Variants in PLEKHB2 observed in about 807,000 individuals in gnomAD.
PLEKHB2 encodes the protein pleckstrin homology domain-containing family B member 2.
Under a neutral mutation model 36.5 loss-of-function variants are expected in PLEKHB2, and 31 were observed. That is an observed-to-expected ratio of 0.85 (90% CI 0.64 to 1.15). The LOEUF is 1.15. PLEKHB2 is among the 50% of genes most tolerant of loss of function. PLEKHB2 has a pLI of 0.00. For synonymous variants in PLEKHB2, 119 were observed against 112.0 expected (o/e 1.06, Z -0.39); for missense variants, 262 against 295.3 (o/e 0.89, Z 0.83).
chr2:131,129,040 T>C (rs1273799329), intron 4 of PLEKHB2, among the ~76,000 whole-genome samples: 2 of 152,216 alleles, frequency 1.3e-5, no homozygotes, highest in Non-Finnish European at 2.9e-5. Context: ...GCTAGAACAC[T>C]TGGGCTGGGT....
At chr2:131,126,527 C>T (rs963641985) in intron 3 of PLEKHB2, among the ~76,000 whole-genome samples, 157 bp from the exon 4 acceptor site, 6 of 152,126 alleles carry the variant, frequency 3.9e-5, no homozygotes, top group South Asian at 2.1e-4. Context: ...GTCAGCCTAG[C>T]TATGTTCTTT....
rs181964864 is a variant in PLEKHB2, at chr2:131,109,461, G to A, written c.-9+4063G>A. On this transcript the variant is annotated intron_variant, in intron 1 of 7. Coordinates refer to ENST00000693505, the MANE Select transcript of PLEKHB2 (RefSeq NM_001100623.2). ...GGCCAGCACTTTTGGAGGCTGAGGC[G>A]GGTGGATCCCCTGAGGTCAGGAGTT... Among the ~76,000 whole-genome samples the A allele has an allele frequency of 1.8e-3, 277 of 152,180 alleles. 1 individual carries two copies. Among genetic ancestry groups the A allele is most frequent in the African/African-American group, 6.3e-3 (263 of 41,518 alleles).
rs771487921 is a variant in PLEKHB2, at chr2:131,125,888, C to A, written c.173C>A (p.Thr58Lys). 1 of 1,613,026 alleles carries A rather than the reference C, an allele frequency of 6.2e-7. No homozygotes were observed. The highest frequency in any genetic ancestry group is 1.3e-5 in the African/African-American group (1 of 74,868). The change falls in exon 3 of 8, where the codon ACG becomes AAG. Residue 58 changes from threonine (T) to lysine (K), a missense_variant. Thr to Lys is a moderately conservative substitution (Grantham distance 78). Coordinates refer to ENST00000693505, the MANE Select transcript of PLEKHB2 (RefSeq NM_001100623.2). ...HMPMDCINIR[T>K]GQECRDTQPP... ...CCAATGGACTGCATCAACATCCGCA[C>A]GGGGCAGGAATGTCGGGGTAAGCTG...
chr2:131,119,630 T>C (rs1255836407), intron 1 of PLEKHB2, among the ~76,000 whole-genome samples: 1 of 152,246 alleles, frequency 6.6e-6, no homozygotes, highest in East Asian at 1.9e-4. Flanking sequence ...GGGCAAAGTA[T>C]ATGAACTATT....
At chr2:131,105,588 G>T (rs1315847144) in intron 1 of PLEKHB2, among the ~76,000 whole-genome samples, 190 bp downstream of exon 1, 6 of 151,740 alleles carry the variant, frequency 4.0e-5, no homozygotes, top group Non-Finnish European at 7.4e-5. Flanking sequence ...CACCTCCCTG[G>T]ACCACCCTGA....
chr2:131,110,078 G>T (rs1194364115), intron 1 of PLEKHB2, among the ~76,000 whole-genome samples: 1 of 151,512 alleles, frequency 6.6e-6, no homozygotes, highest in African/African-American at 2.4e-5. Flanking sequence ...TCGCGCCACT[G>T]CCCTCCAGCC....
chr2:131,126,628 G>C, intron 3 of PLEKHB2, 56 bp from the exon 4 acceptor site: 3 of 1,010,860 alleles, frequency 3.0e-6, no homozygotes, highest in Non-Finnish European at 3.2e-6. Flanking sequence ...GTAGTTCTTA[G>C]AAAATGTAAG....
At chr2:131,118,223 G>T (rs1156836203) in intron 1 of PLEKHB2, among the ~76,000 whole-genome samples, 1 of 152,188 alleles carries the variant, frequency 6.6e-6, no homozygotes, top group East Asian at 1.9e-4. Context: ...TAGAGACAGG[G>T]AGACTGGCTT....
intron 1 of PLEKHB2, among the ~76,000 whole-genome samples, chr2:131,109,506 G>A (rs1205124158): frequency 2.6e-5 from 4 of 151,992 alleles, no homozygotes; most frequent in African/African-American, 9.7e-5. Flanking sequence ...CCTGACCAAC[G>A]TGGTAAAATC....
intron 2 of PLEKHB2, among the ~76,000 whole-genome samples, chr2:131,121,536 C>T (rs1046981780): frequency 1.3e-5 from 2 of 152,166 alleles, no homozygotes; most frequent in African/African-American, 2.4e-5. Flanking sequence ...CGTGAGCCAC[C>T]GTGCCCAGCT....
chr2:131,112,297 G>A (rs993595296), intron 1 of PLEKHB2, among the ~76,000 whole-genome samples: 4 of 152,206 alleles, frequency 2.6e-5, no homozygotes, highest in Admixed American at 1.3e-4. Context: ...AGGGTGGTGT[G>A]CCTGGAGAGG....
chr2:131,127,094 G>A (rs1697177660), intron 4 of PLEKHB2: 1 of 261,968 alleles, frequency 3.8e-6, no homozygotes, highest in Admixed American at 5.1e-5. Flanking sequence ...AGAAAAGCAA[G>A]AAAGTAAAGA....
intron 7 of PLEKHB2, among the ~76,000 whole-genome samples, chr2:131,143,775 C>T (rs1699016068): frequency 6.6e-6 from 1 of 152,198 alleles, no homozygotes; most frequent in Admixed American, 6.5e-5. Context: ...CTAGCCTTGC[C>T]ACATGAGAGC....
At chr2:131,134,477 C>T (rs188018904) in intron 6 of PLEKHB2, among the ~76,000 whole-genome samples, 2 of 152,262 alleles carry the variant, frequency 1.3e-5, no homozygotes, top group Admixed American at 1.3e-4. Flanking sequence ...TATAATTATT[C>T]TGTATTAATT....
rs754827488 is a variant in PLEKHB2 at position 131,125,844 on chromosome 2, C to G, written c.129C>G (p.Ile43Met). The stretch of plus-strand genomic sequence containing the variant: ...ATGATGACCAGACTCGGCAGAATAT[C>G]GAGGATAAGGTCCACATGCCAATGG... ...IYYDDQTRQN[I>M]EDKVHMPMDC... Residue 43 changes from isoleucine (I) to methionine (M), a missense_variant, in exon 3 of 8, where the codon ATC (isoleucine) becomes ATG (methionine). Transcript: ENST00000693505. The G allele has an allele frequency of 3.1e-6, 5 of 1,613,466 alleles. No individual in the cohort carries two copies. The East Asian group carries it at 8.9e-5, about 29-fold the overall frequency.
intron 2 of PLEKHB2, among the ~76,000 whole-genome samples, chr2:131,124,108 G>C (rs1162086375): frequency 6.6e-6 from 1 of 152,130 alleles, no homozygotes; most frequent in East Asian, 1.9e-4. Context: ...GCCTCCCAAA[G>C]TGCTGGAATT....
At position 131,125,829 on chromosome 2, in the gene PLEKHB2, G is replaced by C. The variant is rs761323120; in HGVS notation, c.114G>C (p.Gln38His). Residue 38 changes from glutamine to histidine, a missense_variant, in exon 3 of 8, where the codon CAG (glutamine) becomes CAC (histidine). By Grantham distance (24) the Gln-to-His change is conservative (BLOSUM62 0). Coordinates refer to ENST00000693505, the MANE Select transcript of PLEKHB2 (RefSeq NM_001100623.2). Reference protein sequence around the residue: ...SDGHLIYYDDQTRQNIEDKVH... With the variant: ...SDGHLIYYDDHTRQNIEDKVH... ...GTCACCTGATCTATTATGATGACCAGACTCGGCAGAATATCGAGGATAAGG... is the reference window on the plus strand; with the variant it reads ...GTCACCTGATCTATTATGATGACCACACTCGGCAGAATATCGAGGATAAGG... The C allele has an allele frequency of 3.7e-6, 6 of 1,613,438 alleles. No individual in the cohort carries two copies. Among genetic ancestry groups the C allele is most frequent in the Non-Finnish European group, 5.1e-6 (6 of 1,179,624 alleles).
At chr2:131,137,816 GT>G (rs562711912) in intron 6 of PLEKHB2, among the ~76,000 whole-genome samples, 30 of 151,852 alleles carry the variant, frequency 2.0e-4, no homozygotes, top group Non-Finnish European at 4.1e-4. Flanking sequence ...TGACTATAAT[GT>G]GTATTTGTGT....
At chr2:131,115,086 A>G (rs905426290) in intron 1 of PLEKHB2, among the ~76,000 whole-genome samples, 1 of 152,192 alleles carries the variant, frequency 6.6e-6, no homozygotes, top group Admixed American at 6.5e-5. Flanking sequence ...AGTTCTCACA[A>G]TCATGGTGGA....
Sources: gnomAD v4.1 joint callset for allele counts (sites outside exome capture counted in the v4.1 genomes callset) on GRCh38, gnomAD v4.1.1 for gene constraint, MANE v1.5 for transcripts, NCBI Gene and HGNC (gene_info 2026-07-23, HGNC 2026-07-21) for gene names.